Variants in ADAM7 observed in about 807,000 individuals in gnomAD.
ADAM7 encodes disintegrin and metalloproteinase domain-containing protein 7.
A neutral mutation model predicts 102.9 loss-of-function variants in ADAM7; 97 were observed. That is an observed-to-expected ratio of 0.94 (90% CI 0.80 to 1.12). The LOEUF (loss-of-function observed/expected upper bound fraction) is 1.12, where lower values mean the gene tolerates loss of function less well. Ranked by LOEUF, ADAM7 falls within the 50% of genes most tolerant of loss-of-function variation. ADAM7 has a pLI of 0.00. For synonymous variants in ADAM7, 334 were observed against 304.4 expected, an observed-to-expected ratio of 1.10 and a Z score of -1.01; for missense variants, 991 against 908.7, an observed-to-expected ratio of 1.09 and a Z score of -1.16.
intron 9 of ADAM7, 140 bp downstream of exon 9, chr8:24,482,451 C>A (rs1370059192): frequency 2.4e-6 from 2 of 844,566 alleles, no homozygotes; most frequent in East Asian, 2.7e-5. Flanking sequence ...TTTGTAGCTA[C>A]ACAGAAAATT....
chr8:24,446,966 T>C (rs999486069), intron 2 of ADAM7, among the ~76,000 whole-genome samples: 1 of 150,946 alleles, frequency 6.6e-6, no homozygotes, highest in African/African-American at 2.4e-5. Context: ...CTAATATAAC[T>C]AGAAGAAATC....
chr8:24,490,203 G>A (rs34574579), intron 12 of ADAM7: 2 of 152,444 alleles, frequency 1.3e-5, no homozygotes, highest in Admixed American at 6.5e-5. Flanking sequence ...AAATGTCTCA[G>A]GTTAAACGCA....
At chr8:24,491,321 A>G (rs1585912765) in intron 13 of ADAM7, among the ~76,000 whole-genome samples, 1 of 152,200 alleles carries the variant, frequency 6.6e-6, no homozygotes, top group East Asian at 1.9e-4. Context: ...CCAAGAGTTT[A>G]CTGACACTTC....
At chr8:24,470,919 C>T (rs1266596928) in intron 7 of ADAM7, among the ~76,000 whole-genome samples, 4 of 151,776 alleles carry the variant, frequency 2.6e-5, no homozygotes, top group African/African-American at 9.7e-5. Flanking sequence ...GGACATATTC[C>T]AGAAGAAGGC....
chr8:24,448,943 A>G (rs1327343397), intron 3 of ADAM7, among the ~76,000 whole-genome samples: 1 of 152,010 alleles, frequency 6.6e-6, no homozygotes, highest in Non-Finnish European at 1.5e-5. Context: ...GAGAATGATG[A>G]TTTCCAATTT....
intron 3 of ADAM7, among the ~76,000 whole-genome samples, chr8:24,451,011 T>C (rs1316673479): frequency 2.6e-4 from 40 of 152,046 alleles, no homozygotes; most frequent in African/African-American, 8.9e-4. Context: ...CACTTGATCA[T>C]GGTGGATAAG....
intron 7 of ADAM7, among the ~76,000 whole-genome samples, chr8:24,469,227 T>C (rs1174324931): frequency 1.3e-5 from 2 of 152,244 alleles, no homozygotes; most frequent in East Asian, 3.9e-4. Context: ...TGTAATGTAA[T>C]TGAATGTAAA....
At chr8:24,483,140 G>A (rs916622791) in intron 9 of ADAM7, among the ~76,000 whole-genome samples, 2 of 152,140 alleles carry the variant, frequency 1.3e-5, no homozygotes, top group Non-Finnish European at 2.9e-5. Context: ...AAGTAAAAGC[G>A]TGACTTTGTC....
chr8:24,482,226 A>G lies in ADAM7; in HGVS notation c.790A>G (p.Ile264Val), dbSNP rs750423597. The G allele has an allele frequency of 8.1e-6, 13 of 1,610,396 alleles. No individual in the cohort carries two copies. Among genetic ancestry groups the G allele is most frequent in the South Asian group, 2.2e-5 (2 of 89,740 alleles). Residue 264 changes from isoleucine (I) to valine (V), a missense_variant, in exon 9 of 22, where the codon ATA (isoleucine) becomes GTA (valine). By Grantham distance (29) the Ile-to-Val change is conservative. Coordinates refer to ENST00000175238, the MANE Select transcript of ADAM7 (RefSeq NM_003817.4). ...AGATAAAATAGAACTATATTCAAAT[A>G]TAGAAACTACCTTATTGCGTTTTTC... Reference protein sequence around the residue: ...HEDKIELYSNIETTLLRFSFW... With the variant: ...HEDKIELYSNVETTLLRFSFW...
At chr8:24,444,700 A>C (rs888124518) in intron 2 of ADAM7, among the ~76,000 whole-genome samples, 1 of 152,020 alleles carries the variant, frequency 6.6e-6, no homozygotes, top group Non-Finnish European at 1.5e-5. Flanking sequence ...AAACACAAAA[A>C]AACGAAAAAA....
chr8:24,479,609 T>C (rs1819882720), intron 8 of ADAM7, among the ~76,000 whole-genome samples: 1 of 152,114 alleles, frequency 6.6e-6, no homozygotes, highest in African/African-American at 2.4e-5. Context: ...TTGGCGTCCA[T>C]GGAGGCCCAT....
chr8:24,448,657 T>TTTATTA (rs35847061), intron 3 of ADAM7, among the ~76,000 whole-genome samples: 171 of 148,782 alleles, frequency 1.1e-3, no homozygotes, highest in Middle Eastern at 7.0e-3. Flanking sequence ...ATTCAGCTTG[T>TTTATTA]TTATTATTAT....
At chr8:24,484,746 A>AT (rs1433692793) in intron 9 of ADAM7, among the ~76,000 whole-genome samples, 1 of 134,004 alleles carries the variant, frequency 7.5e-6, no homozygotes, top group Non-Finnish European at 1.6e-5. Context: ...TTTGATTTGT[A>AT]TTTTTTTGTT....
Position 24,466,883 on chromosome 8 carries a change from T to C in ADAM7, c.474T>C (p.Tyr158=), listed in dbSNP as rs1297633895. The change falls in exon 6 of 22, where the codon TAT becomes TAC. Residue 158 remains tyrosine, a synonymous_variant. Transcript: ENST00000175238. ...SDEGEHLVFK[Y]NLRVPYGANY... ...AGGGAGAACATTTGGTGTTCAAATA[T>C]AACCTGAGGGTGCCGTATGGTGCCA... 6.2e-7 allele frequency: 1 copy of C among 1,614,038 alleles called. No individual in the cohort carries two copies. Among genetic ancestry groups the C allele is most frequent in the Non-Finnish European group, 8.5e-7 (1 of 1,179,916 alleles).
chr8:24,496,515 T>C (rs1450798464), intron 16 of ADAM7, among the ~76,000 whole-genome samples: 2 of 152,130 alleles, frequency 1.3e-5, no homozygotes, highest in African/African-American at 2.4e-5. Flanking sequence ...TGTCAGCCCA[T>C]GGAAGCAGCC....
rs759944696 is a variant in ADAM7, at chr8:24,492,589, TGAG to T, written c.1651_1653del (p.Glu551del). The stretch of plus-strand genomic sequence containing the variant: ...ACAAGGAAAACAGATTTCTTCCCTG[TGAG>T]GAGAAGTAAGTGCCCTGTGGAAAAA... On this transcript the variant is annotated inframe_deletion, in exon 15 of 22. Transcript: ENST00000175238. 2.7e-5 allele frequency: 43 copies of T among 1,611,574 alleles called. 1 individual carries two copies. In the East Asian group the frequency reaches 8.0e-4, roughly 30 times the overall value.
chr8:24,508,654 G>A lies in ADAM7; in HGVS notation c.*108G>A. On this transcript the variant is annotated 3_prime_UTR_variant, in exon 22 of 22. Coordinates refer to ENST00000175238, the MANE Select transcript of ADAM7 (RefSeq NM_003817.4). ...ATCTGCTACTCACATTTTTGGTAGT[G>A]TTTCAAACGTTCTTTATCCAGACAG... 1 of 1,577,754 alleles carries A rather than the reference G, an allele frequency of 6.3e-7. No individual in the cohort carries two copies. Among genetic ancestry groups the A allele is most frequent in the South Asian group, 1.2e-5 (1 of 86,168 alleles).
intron 20 of ADAM7, chr8:24,505,961 C>T (rs1196473158): frequency 1.5e-6 from 1 of 681,686 alleles, no homozygotes; most frequent in East Asian, 2.8e-5. Flanking sequence ...GTAAATTTGT[C>T]TTATAGACAG....
At chr8:24,464,053 G>A in intron 4 of ADAM7, 93 bp downstream of exon 4, 1 of 1,107,218 alleles carries the variant, frequency 9.0e-7, no homozygotes, top group East Asian at 2.4e-5. Context: ...AGCTGTTTCA[G>A]AAAGTACTAC....
Sources: gnomAD v4.1 joint callset for allele counts (sites outside exome capture counted in the v4.1 genomes callset) on GRCh38, gnomAD v4.1.1 for gene constraint, MANE v1.5 for transcripts, NCBI Gene and HGNC (gene_info 2026-07-23, HGNC 2026-07-21) for gene names.